MAP2: variants seen among roughly 807,000 people sequenced by gnomAD.
MAP2 encodes microtubule associated protein 2, also known as microtubule-associated protein 2.
Under a neutral mutation model 137.6 loss-of-function variants are expected in MAP2, and 14 were observed. The ratio of observed to expected loss-of-function variants is 0.10; its 90% CI spans 0.07 to 0.16. The LOEUF (loss-of-function observed/expected upper bound fraction) is 0.16. MAP2 is among the 10% of genes least tolerant of loss of function. The pLI is 1.00. For synonymous variants in MAP2, 786 were observed against 782.3 expected, an observed-to-expected ratio of 1.00 and a Z score of -0.08; for missense variants, 2,088 against 2,191.5, an observed-to-expected ratio of 0.95 and a Z score of 0.94.
chr2:209,725,103 C>G (rs1467748410), intron 13 of MAP2, among the ~76,000 whole-genome samples: 2 of 152,166 alleles, frequency 1.3e-5, no homozygotes, highest in Non-Finnish European at 2.9e-5. Context: ...ATGGACCAAA[C>G]TTGGAGAAGC....
chr2:209,426,673 C>A (rs141197807), intron 1 of MAP2, among the ~76,000 whole-genome samples: 1 of 152,152 alleles, frequency 6.6e-6, no homozygotes, highest in African/African-American at 2.4e-5. Context: ...CATCTCAGGG[C>A]AAAAGCCTTT....
chr2:209,526,205 A>T (rs556909722), intron 2 of MAP2, among the ~76,000 whole-genome samples: 1 of 152,146 alleles, frequency 6.6e-6, no homozygotes, highest in Non-Finnish European at 1.5e-5. Context: ...CATAAGTCCT[A>T]TTCTTTTGAG....
intron 5 of MAP2, among the ~76,000 whole-genome samples, chr2:209,659,764 C>T (rs10208961): frequency 0.037 from 5,606 of 151,470 alleles, 262 homozygotes; most frequent in South Asian, 0.21. Context: ...ACAGACCGGG[C>T]GTGGTGGCTC....
intron 2 of MAP2, among the ~76,000 whole-genome samples, chr2:209,513,638 A>AAAC (rs1429744128): frequency 3.9e-5 from 6 of 152,076 alleles, no homozygotes; most frequent in Non-Finnish European, 8.8e-5. Flanking sequence ...AAAAAACAAA[A>AAAC]AACAAAAAAA....
intron 1 of MAP2, among the ~76,000 whole-genome samples, chr2:209,443,104 A>G (rs760384024): frequency 4.0e-5 from 6 of 151,600 alleles, no homozygotes; most frequent in South Asian, 2.1e-4. Context: ...ATCTGGAAGC[A>G]TGCTATCTCT....
intron 1 of MAP2, among the ~76,000 whole-genome samples, chr2:209,463,182 A>T (rs1447604422): frequency 3.9e-5 from 6 of 152,222 alleles, no homozygotes; most frequent in African/African-American, 1.4e-4. Context: ...AATTGTTTCT[A>T]TACTGAGTCT....
chr2:209,702,629 GTTGT>G lies in MAP2; in HGVS notation c.4584+2302_4584+2305del, dbSNP rs553259359. Among the ~76,000 whole-genome samples, 16 of 151,954 alleles carry G rather than the reference GTTGT, an allele frequency of 1.1e-4. No individual in the cohort carries two copies. The East Asian group carries it at 2.9e-3, about 28-fold the overall frequency. ...TCCTGCATTTCACGTGGGTTTTTCT[GTTGT>G]TTGTTTGTTTAGCATTAATAGTTGT... On this transcript the variant is annotated intron_variant, in intron 11 of 15. Coordinates refer to ENST00000682079, the MANE Select transcript of MAP2 (RefSeq NM_001375505.1).
At chr2:209,651,665 A>T (rs1481739980) in intron 4 of MAP2, among the ~76,000 whole-genome samples, 1 of 152,162 alleles carries the variant, frequency 6.6e-6, no homozygotes, top group African/African-American at 2.4e-5. Flanking sequence ...AATGTTTTAA[A>T]ACCTAAATTT....
intron 3 of MAP2, among the ~76,000 whole-genome samples, chr2:209,601,843 A>G (rs1036928862): frequency 1.3e-5 from 2 of 152,164 alleles, no homozygotes; most frequent in African/African-American, 4.8e-5. Flanking sequence ...TTTTTAAATT[A>G]ATCTTGATTT....
chr2:209,592,237 C>CGA (rs1213650034), intron 3 of MAP2, among the ~76,000 whole-genome samples: 2 of 152,132 alleles, frequency 1.3e-5, no homozygotes, highest in African/African-American at 4.8e-5. Context: ...ACAATGTACT[C>CGA]TGTCATTGTA....
chr2:209,693,834 C>T lies in MAP2; in HGVS notation c.1664C>T (p.Ser555Leu), dbSNP rs764677689. 1.4e-5 allele frequency: 22 copies of T among 1,613,930 alleles called. No individual in the cohort carries two copies. The South Asian group carries it at 2.2e-4, about 16-fold the overall frequency. The change falls in exon 8 of 16, where the codon TCA (serine) becomes TTA (leucine). Residue 555 changes from serine to leucine, a missense_variant. Ser to Leu is a moderately radical substitution (Grantham distance 145). Coordinates refer to ENST00000682079, the MANE Select transcript of MAP2 (RefSeq NM_001375505.1). ...DKIEGVGAATSAELDMPFYED... is the reference protein window; with the variant it reads ...DKIEGVGAATLAELDMPFYED... ...ATTGAAGGAGTTGGAGCTGCAACATCAGCTGAGCTTGATATGCCATTTTAT... is the reference window on the plus strand; with the variant it reads ...ATTGAAGGAGTTGGAGCTGCAACATTAGCTGAGCTTGATATGCCATTTTAT...
chr2:209,655,917 A>G (rs1381925377), intron 5 of MAP2, among the ~76,000 whole-genome samples: 2 of 152,182 alleles, frequency 1.3e-5, no homozygotes, highest in East Asian at 1.9e-4. Flanking sequence ...CGTTTTTGCT[A>G]TAGTCCCCTC....
chr2:209,426,731 G>A lies in MAP2; in HGVS notation c.-222+2455G>A, dbSNP rs868499873. Among the ~76,000 whole-genome samples, 9 of 152,094 alleles carry A rather than the reference G, an allele frequency of 5.9e-5. No homozygotes were observed. In the South Asian group the frequency reaches 1.9e-3, roughly 32 times the overall value. On this transcript the variant is annotated intron_variant, in intron 1 of 15. Transcript: ENST00000682079. ...TAATGTCATTCCACTGAGGTTAAAG[G>A]GATATTTTCTCTTTTATGTATTCCT... is the stretch of plus-strand genomic sequence containing the variant.
At chr2:209,657,390 G>A (rs1053201410) in intron 5 of MAP2, among the ~76,000 whole-genome samples, 4 of 152,076 alleles carry the variant, frequency 2.6e-5, no homozygotes, top group Non-Finnish European at 5.9e-5. Context: ...TAACATTCCC[G>A]TCAACATTGT....
At chr2:209,445,359 T>C (rs1360476536) in intron 1 of MAP2, among the ~76,000 whole-genome samples, 1 of 151,734 alleles carries the variant, frequency 6.6e-6, no homozygotes. Context: ...TGAATATCAC[T>C]GAAAGCAAAA....
Position 209,730,329 on chromosome 2 carries a change from C to T in MAP2, c.5416C>T (p.Leu1806Phe), listed in dbSNP as rs2075617715. The T allele has an allele frequency of 1.9e-6, 3 of 1,614,010 alleles. No homozygotes were observed. Among genetic ancestry groups the T allele is most frequent in the Non-Finnish European group, 2.5e-6 (3 of 1,180,012 alleles). Residue 1806 changes from leucine (L) to phenylalanine (F), a missense_variant, in exon 16 of 16, where the codon CTC becomes TTC. This residue lies in a region of MAP2 where 112 missense variants were observed against 201.0 expected (regional missense o/e 0.56). Coordinates refer to ENST00000682079, the MANE Select transcript of MAP2 (RefSeq NM_001375505.1). ...CTCCTCGTCTGGAAGCATCAACCTG[C>T]TCGAATCTCCTCAGCTTGCCACTTT... is the stretch of plus-strand genomic sequence containing the variant. ...NVSSSGSINL[L>F]ESPQLATLAE... is the part of the protein sequence containing the mutation.
intron 2 of MAP2, among the ~76,000 whole-genome samples, chr2:209,565,902 G>A (rs192457639): frequency 1.1e-4 from 16 of 152,274 alleles, no homozygotes; most frequent in East Asian, 1.9e-4. Context: ...TTTCTTGTCC[G>A]ACTGCACAGA....
At chr2:209,697,589 G>GA (rs1206144151) in intron 10 of MAP2, among the ~76,000 whole-genome samples, 1 of 151,866 alleles carries the variant, frequency 6.6e-6, no homozygotes, top group African/African-American at 2.4e-5. Flanking sequence ...TGCTTTTGCT[G>GA]AAAAAAAGAA....
At chr2:209,678,023 A>G (rs765442524) in intron 5 of MAP2, among the ~76,000 whole-genome samples, 1 of 152,034 alleles carries the variant, frequency 6.6e-6, no homozygotes, top group Non-Finnish European at 1.5e-5. Context: ...ACAAGCTTAT[A>G]TAAATTATAT....
Sources: gnomAD v4.1 joint callset for allele counts (sites outside exome capture counted in the v4.1 genomes callset) on GRCh38, gnomAD v4.1.1 for gene constraint, gnomAD v4.1.1 regional missense constraint, MANE v1.5 for transcripts, NCBI Gene and HGNC (gene_info 2026-07-23, HGNC 2026-07-21) for gene names.